RPAP2: variants seen among roughly 807,000 people sequenced by gnomAD.
RPAP2 encodes RNA polymerase II associated protein 2.
Under a neutral mutation model 73.1 loss-of-function variants are expected in RPAP2, and 52 were observed. The observed-to-expected ratio is 0.71, with a 90% CI of 0.57 to 0.90. The LOEUF is 0.90. Among genes scored for constraint, RPAP2 ranks in the 40% least tolerant of loss-of-function variants. RPAP2 has a pLI of 0.00. For synonymous variants in RPAP2, 225 were observed against 242.1 expected (o/e 0.93, Z 0.65); for missense variants, 598 against 701.8 (o/e 0.85, Z 1.67).
Position 92,308,993 on chromosome 1 carries a change from C to A in RPAP2, c.488+1717C>A, listed in dbSNP as rs531502624. Reference sequence around the variant, plus strand: ...AATAAATAAATAAAATGAAGTAAAACAGGTCTTCCTGTAACCTTTTCCTAA... The same window carrying A: ...AATAAATAAATAAAATGAAGTAAAAAAGGTCTTCCTGTAACCTTTTCCTAA... On this transcript the variant is annotated intron_variant, in intron 6 of 12. Transcript: ENST00000610020. 8.5e-5 allele frequency among the ~76,000 whole-genome samples: 13 copies of A among 152,186 alleles called. No individual in the cohort carries two copies. The South Asian group carries it at 2.7e-3, about 32-fold the overall frequency.
At chr1:92,380,985 C>T in intron 12 of RPAP2, 112 bp downstream of exon 12, 1 of 830,820 alleles carries the variant, frequency 1.2e-6, no homozygotes, top group Non-Finnish European at 1.8e-6. Context: ...TCAAGATGCC[C>T]TCAGTTTGCT....
intron 2 of RPAP2, among the ~76,000 whole-genome samples, chr1:92,300,465 G>A (rs1468744514): frequency 6.6e-6 from 1 of 152,180 alleles, no homozygotes; most frequent in African/African-American, 2.4e-5. Flanking sequence ...GTGAAGGAAT[G>A]AGTGTCTGTA....
At chr1:92,383,966 T>A in intron 12 of RPAP2, among the ~76,000 whole-genome samples, 1 of 3,112 alleles carries the variant, frequency 3.2e-4, no homozygotes, top group East Asian at 0.017. Context: ...TATAAAACAA[T>A]CTTTTTTTTT....
intron 9 of RPAP2, among the ~76,000 whole-genome samples, chr1:92,333,995 T>C (rs1653126661): frequency 1.3e-5 from 2 of 152,214 alleles, no homozygotes; most frequent in Non-Finnish European, 2.9e-5. Context: ...AGCCCAGTCA[T>C]AAATGACATT....
chr1:92,356,585 ATTT>A (rs57838216), intron 11 of RPAP2, among the ~76,000 whole-genome samples: 6 of 51,796 alleles, frequency 1.2e-4, no homozygotes, highest in Middle Eastern at 0.014. Flanking sequence ...CTCCTGGCTA[ATTT>A]TTTTTTTTTT....
At chr1:92,348,591 T>G (rs910721791) in intron 11 of RPAP2, among the ~76,000 whole-genome samples, 25 of 152,354 alleles carry the variant, frequency 1.6e-4, no homozygotes, top group African/African-American at 5.8e-4. Flanking sequence ...TATTATTTTC[T>G]TATTTCCTCT....
In RPAP2 at chr1:92,388,855, C is replaced by T. The variant is rs898666621; in HGVS notation, c.*1844C>T. The T allele has an allele frequency of 6.6e-6, 1 of 152,246 alleles. No homozygotes were observed. 9.4% of individuals were successfully genotyped at this position (152,246 alleles called of 1,614,324 possible). On this transcript the variant is annotated 3_prime_UTR_variant, in exon 13 of 13. Coordinates refer to ENST00000610020, the MANE Select transcript of RPAP2 (RefSeq NM_024813.3). ...ATTGCTGAGGCTTGAGTAGGCGGTTCTATGCTCACAGTGTAAACAAAGCAG... is the reference window on the plus strand; with the variant it reads ...ATTGCTGAGGCTTGAGTAGGCGGTTTTATGCTCACAGTGTAAACAAAGCAG...
intron 5 of RPAP2, among the ~76,000 whole-genome samples, chr1:92,305,426 C>T (rs1283602046): frequency 3.8e-5 from 2 of 52,954 alleles, no homozygotes; most frequent in African/African-American, 3.7e-4. Context: ...GAGTGAGGCT[C>T]CGTCTCAAAA....
Position 92,387,260 on chromosome 1 carries a change from T to G in RPAP2, c.*249T>G. The G allele has an allele frequency of 3.1e-6, 1 of 322,934 alleles. No homozygotes were observed. The allele number at this position is 322,934 out of a possible 1,614,324, so 20.0% of individuals were successfully genotyped here. On this transcript the variant is annotated 3_prime_UTR_variant, in exon 13 of 13. Transcript: ENST00000610020. ...TTTGTATCCCTAGTACAAGACATAGTATTTTTATTCGAAAATGAATGTTTA... is the reference window on the plus strand; with the variant it reads ...TTTGTATCCCTAGTACAAGACATAGGATTTTTATTCGAAAATGAATGTTTA...
At chr1:92,357,065 CAAAAAAAA>C (rs931196431) in intron 11 of RPAP2, among the ~76,000 whole-genome samples, 1 of 117,020 alleles carries the variant, frequency 8.5e-6, no homozygotes, top group Non-Finnish European at 1.8e-5. Flanking sequence ...GACTCTGTCT[CAAAAAAAA>C]AAAAGAAAAA....
intron 11 of RPAP2, among the ~76,000 whole-genome samples, chr1:92,361,200 A>G (rs1225801939): frequency 6.6e-6 from 1 of 151,978 alleles, no homozygotes; most frequent in Non-Finnish European, 1.5e-5. Context: ...CATTTATCCA[A>G]TATTGTGTTT....
intron 11 of RPAP2, among the ~76,000 whole-genome samples, chr1:92,367,905 T>C (rs1009575893): frequency 6.6e-6 from 1 of 152,240 alleles, no homozygotes; most frequent in Non-Finnish European, 1.5e-5. Context: ...GGAAAATCCT[T>C]CTATGAGAGA....
At chr1:92,303,879 A>T in intron 3 of RPAP2, 98 bp from the exon 4 acceptor site, 1 of 722,506 alleles carries the variant, frequency 1.4e-6, no homozygotes, top group Non-Finnish European at 2.2e-6. Context: ...TACTATTGCT[A>T]TCCCTGTGTT....
chr1:92,370,048 C>G (rs1197797402), intron 11 of RPAP2, among the ~76,000 whole-genome samples: 1 of 152,076 alleles, frequency 6.6e-6, no homozygotes, highest in African/African-American at 2.4e-5. Context: ...CCATGCCCAG[C>G]TAATTTTTGT....
chr1:92,299,212 C>T (rs1047322407), intron 1 of RPAP2, 66 bp downstream of exon 1: 2 of 1,016,244 alleles, frequency 2.0e-6, no homozygotes, highest in Non-Finnish European at 1.4e-6. Context: ...GAGTTATAGA[C>T]CGCAGCGCGC....
intron 11 of RPAP2, among the ~76,000 whole-genome samples, chr1:92,360,249 C>T (rs993916724): frequency 5.9e-5 from 9 of 152,122 alleles, no homozygotes; most frequent in African/African-American, 2.2e-4. Context: ...GTCTGCTAAA[C>T]GAAAATGAGA....
intron 12 of RPAP2, 40 bp downstream of exon 12, chr1:92,380,913 T>C: frequency 6.7e-7 from 1 of 1,491,914 alleles, no homozygotes; most frequent in South Asian, 1.4e-5. Context: ...TTATTCTTCA[T>C]TTGTTGCCTA....
At chr1:92,337,320 A>C (rs1208461114) in intron 10 of RPAP2, among the ~76,000 whole-genome samples, 1 of 152,170 alleles carries the variant, frequency 6.6e-6, no homozygotes, top group Non-Finnish European at 1.5e-5. Context: ...TTGCAGTCAC[A>C]TACTGTACAT....
At position 92,325,122 on chromosome 1, in the gene RPAP2, A is replaced by G. The variant is rs369848137; in HGVS notation, c.1455+747A>G. On this transcript the variant is annotated intron_variant, in intron 8 of 12. Transcript: ENST00000610020. ...GATTGAAAATGTGCCACTGAGATTT[A>G]GAGAGCATCTTTTAGTATTTCTACT... Among the ~76,000 whole-genome samples, 6 of 152,322 alleles carry G rather than the reference A, an allele frequency of 3.9e-5. No individual in the cohort carries two copies. In the East Asian group the frequency reaches 9.6e-4, roughly 24 times the overall value.
Sources: allele counts gnomAD v4.1 joint callset (sites outside exome capture counted in the v4.1 genomes callset), GRCh38; gene constraint gnomAD v4.1.1; transcripts MANE v1.5; gene names NCBI Gene and HGNC (gene_info 2026-07-23, HGNC 2026-07-21).